The following ABL2 variants were observed in gnomAD, a reference collection of about 807,000 sequenced individuals.
ABL2 encodes the protein ABL proto-oncogene 2, non-receptor tyrosine kinase, also known as tyrosine-protein kinase ABL2.
Under a neutral mutation model 107.7 loss-of-function variants are expected in ABL2, and 49 were observed. That is an observed-to-expected ratio of 0.45 (90% CI 0.36 to 0.58). ABL2 has a LOEUF of 0.58. Among genes scored for constraint, ABL2 ranks in the 20% least tolerant of loss-of-function variants. ABL2 has a pLI of 0.00. For synonymous variants in ABL2, 549 were observed against 548.6 expected (o/e 1.00, Z -0.01); for missense variants, 1,245 against 1,457.0 (o/e 0.85, Z 2.37).
At chr1:179,220,123 G>C (rs1044266024) in intron 1 of ABL2, among the ~76,000 whole-genome samples, 4 of 152,284 alleles carry the variant, frequency 2.6e-5, no homozygotes, top group Non-Finnish European at 5.9e-5. Flanking sequence ...GCAAGACTTG[G>C]AGACAAAACT....
In ABL2 at chr1:179,103,268, T is replaced by C. The variant is rs1369733723; in HGVS notation, c.*4450A>G. The C allele has an allele frequency of 4.8e-6, 1 of 208,290 alleles. No homozygotes were observed. The highest frequency in any genetic ancestry group is 9.8e-6 in the Non-Finnish European group (1 of 102,250). The allele number at this position is 208,290 out of a possible 1,614,324, so 12.9% of individuals were successfully genotyped here. ...TGCTCATACCTGTTAAGCAGTTTCA[T>C]ATTTCTAAATGTGATAAATGACAGA... On this transcript the variant is annotated 3_prime_UTR_variant, in exon 12 of 12. Coordinates refer to ENST00000502732, the MANE Select transcript of ABL2 (RefSeq NM_007314.4).
chr1:179,150,108 C>A (rs905994788), intron 1 of ABL2, among the ~76,000 whole-genome samples: 2 of 151,868 alleles, frequency 1.3e-5, no homozygotes, highest in Non-Finnish European at 2.9e-5. Context: ...GGCATGGTGG[C>A]GCACACCTGT....
chr1:179,182,491 T>C (rs1571266512), intron 1 of ABL2, among the ~76,000 whole-genome samples: 1 of 152,192 alleles, frequency 6.6e-6, no homozygotes, highest in Non-Finnish European at 1.5e-5. Context: ...GCTTAGAAAA[T>C]TAAAGTAATC....
intron 1 of ABL2, among the ~76,000 whole-genome samples, chr1:179,226,898 A>T (rs968477474): frequency 1.3e-5 from 2 of 152,174 alleles, no homozygotes; most frequent in East Asian, 1.9e-4. Flanking sequence ...CAAATCATAA[A>T]GTCCTTTAAG....
intron 9 of ABL2, 46 bp from the exon 10 acceptor site, chr1:179,112,444 A>C (rs1270787416): frequency 6.8e-7 from 1 of 1,467,268 alleles, no homozygotes; most frequent in Non-Finnish European, 9.5e-7. Flanking sequence ...GCAGAAATTC[A>C]ATATCCAGTG....
chr1:179,213,565 T>C (rs560291915), intron 1 of ABL2, among the ~76,000 whole-genome samples: 1 of 152,214 alleles, frequency 6.6e-6, no homozygotes, highest in African/African-American at 2.4e-5. Flanking sequence ...CCTTCCAAAC[T>C]GCTAGGATTA....
intron 1 of ABL2, among the ~76,000 whole-genome samples, chr1:179,211,479 C>T (rs758935685): frequency 2.7e-4 from 41 of 151,568 alleles, no homozygotes; most frequent in African/African-American, 9.0e-4. Context: ...CCTGTACCAC[C>T]GCACTTCAGC....
At chr1:179,131,097 C>T (rs951579502) in intron 3 of ABL2, 62 of 356,918 alleles carry the variant, frequency 1.7e-4, no homozygotes, top group African/African-American at 1.1e-3. Flanking sequence ...TGGGCTACCA[C>T]GCCTGACTAA....
At chr1:179,150,228 T>A (rs1658281655) in intron 1 of ABL2, among the ~76,000 whole-genome samples, 1 of 152,136 alleles carries the variant, frequency 6.6e-6, no homozygotes, top group African/African-American at 2.4e-5. Flanking sequence ...CAAGACCCCG[T>A]CTCAAAAATG....
intron 9 of ABL2, among the ~76,000 whole-genome samples, chr1:179,112,900 G>A (rs1410790706): frequency 2.0e-5 from 3 of 152,034 alleles, no homozygotes; most frequent in Admixed American, 6.6e-5. Flanking sequence ...GGCTACAGGC[G>A]CACGCCACCA....
intron 1 of ABL2, among the ~76,000 whole-genome samples, chr1:179,216,249 TA>T (rs1662557279): frequency 2.6e-5 from 4 of 152,250 alleles, no homozygotes; most frequent in Non-Finnish European, 5.9e-5. Flanking sequence ...CAACTAAGTT[TA>T]AACGTTGGAT....
intron 6 of ABL2, 96 bp from the exon 7 acceptor site, chr1:179,118,860 G>T: frequency 7.6e-7 from 1 of 1,323,250 alleles, no homozygotes; most frequent in Non-Finnish European, 1.1e-6. Context: ...TTCAGGTCTA[G>T]TTCGGCAATA....
intron 1 of ABL2, among the ~76,000 whole-genome samples, chr1:179,183,494 T>C (rs1272804311): frequency 1.3e-5 from 2 of 152,162 alleles, no homozygotes; most frequent in East Asian, 1.9e-4. Context: ...CATCTTTCTA[T>C]GTATGCAGAA....
At chr1:179,217,992 ATT>A (rs1043629177) in intron 1 of ABL2, among the ~76,000 whole-genome samples, 2 of 152,172 alleles carry the variant, frequency 1.3e-5, no homozygotes, top group Non-Finnish European at 1.5e-5. Context: ...GGTCTCTAAT[ATT>A]TTTTAATTTG....
In ABL2 at chr1:179,126,045, T is replaced by C. The variant is rs1359607582; in HGVS notation, c.687+332A>G. 4.6e-5 allele frequency among the ~76,000 whole-genome samples: 7 copies of C among 152,242 alleles called. No individual in the cohort carries two copies. The East Asian group carries it at 1.3e-3, about 29-fold the overall frequency. Reference sequence around the variant, plus strand: ...ATTATTCTAATTTTCAATGATACAATGTTAACTGATAAACTCTATACCAGT... The same window carrying C: ...ATTATTCTAATTTTCAATGATACAACGTTAACTGATAAACTCTATACCAGT... On this transcript the variant is annotated intron_variant, in intron 4 of 11. Coordinates refer to ENST00000502732, the MANE Select transcript of ABL2 (RefSeq NM_007314.4). This position sits in a 1 kb window ranked among gnomAD's most constrained non-coding sequence, Gnocchi z 4.4.
rs192864961 is a variant in ABL2 at position 179,217,991 on chromosome 1, T to C, written c.157+11250A>G. 2.2e-3 allele frequency among the ~76,000 whole-genome samples: 335 copies of C among 152,324 alleles called. 3 individuals carry two copies. Among genetic ancestry groups the C allele is most frequent in the African/African-American group, 6.9e-3 (288 of 41,574 alleles). On this transcript the variant is annotated intron_variant, in intron 1 of 11. Transcript: ENST00000502732. ...ACATCCCATCTTCTTTGGTCTCTAA[T>C]ATTTTTTAATTTGAGCAACGAGGGT...
chr1:179,216,294 T>A (rs1662560481), intron 1 of ABL2, among the ~76,000 whole-genome samples: 1 of 152,226 alleles, frequency 6.6e-6, no homozygotes, highest in South Asian at 2.1e-4. Flanking sequence ...ATCCATGAAT[T>A]TGAGTGAATT....
At chr1:179,125,956 T>C (rs776182372) in intron 4 of ABL2, among the ~76,000 whole-genome samples, 1 of 152,248 alleles carries the variant, frequency 6.6e-6, no homozygotes, top group Non-Finnish European at 1.5e-5. Context: ...TCAGTTAATA[T>C]ACATTAATGA....
rs1654893534 is a variant in ABL2, at chr1:179,118,720, T to C, written c.1090A>G (p.Met364Val). ...TAATCCAGCAAATTCCCGTATGGCA[T>C]GTATTCAGTCACAATGTAAAATGGT... ...EPPFYIVTEYMPYGNLLDYLR... is the reference protein window; with the variant it reads ...EPPFYIVTEYVPYGNLLDYLR... The change falls in exon 7 of 12, where the codon ATG becomes GTG. Residue 364 changes from methionine to valine, a missense_variant. By Grantham distance (21) the Met-to-Val change is conservative. Around this residue, in one of 3 missense-constraint regions of ABL2, gnomAD observed 320 missense variants for 547.0 expected, o/e 0.59. Transcript: ENST00000502732. The C allele has an allele frequency of 1.2e-6, 2 of 1,614,034 alleles. No individual in the cohort carries two copies. The highest frequency in any genetic ancestry group is 1.1e-5 in the South Asian group (1 of 91,084).
Sources: gnomAD v4.1 joint callset for allele counts (sites outside exome capture counted in the v4.1 genomes callset) on GRCh38, gnomAD v4.1.1 for gene constraint, gnomAD v4.1.1 regional missense constraint, Gnocchi (gnomAD v3.1) non-coding constraint, MANE v1.5 for transcripts, NCBI Gene and HGNC (gene_info 2026-07-23, HGNC 2026-07-21) for gene names.